HSD17B4: variants seen among roughly 807,000 people sequenced by gnomAD.
HSD17B4 encodes hydroxysteroid 17-beta dehydrogenase 4.
Under a neutral mutation model 101.0 loss-of-function variants are expected in HSD17B4, and 70 were observed. That is an observed-to-expected ratio of 0.69 (90% CI 0.57 to 0.85). The LOEUF is 0.85. Among genes scored for constraint, HSD17B4 ranks in the 40% least tolerant of loss-of-function variants. The pLI is 0.00. For synonymous variants in HSD17B4, 347 were observed against 297.1 expected (o/e 1.17, Z -1.73); for missense variants, 984 against 892.4 (o/e 1.10, Z -1.31).
chr5:119,488,519 G>A (rs947631353), intron 8 of HSD17B4, among the ~76,000 whole-genome samples: 2 of 152,102 alleles, frequency 1.3e-5, no homozygotes, highest in Admixed American at 6.6e-5. Flanking sequence ...CAAGATAAAT[G>A]TTTGAGTTGA....
intron 8 of HSD17B4, among the ~76,000 whole-genome samples, chr5:119,484,954 T>TA (rs1408608743): frequency 6.6e-6 from 1 of 152,174 alleles, no homozygotes; most frequent in Non-Finnish European, 1.5e-5. Context: ...ATGTGAAAGA[T>TA]ATATAATTTA....
At chr5:119,483,920 A>G (rs899119348) in intron 8 of HSD17B4, among the ~76,000 whole-genome samples, 18 of 152,184 alleles carry the variant, frequency 1.2e-4, no homozygotes, top group Admixed American at 3.9e-4. Flanking sequence ...AAAATTTTCT[A>G]GTTGTCTAGA....
At chr5:119,465,410 T>G (rs1192346591) in intron 2 of HSD17B4, among the ~76,000 whole-genome samples, 1 of 152,204 alleles carries the variant, frequency 6.6e-6, no homozygotes, top group Admixed American at 6.5e-5. Context: ...TAAAACAGTC[T>G]GGGACCTCCT....
intron 2 of HSD17B4, among the ~76,000 whole-genome samples, chr5:119,458,540 G>A (rs1240880460): frequency 2.0e-5 from 3 of 149,232 alleles, no homozygotes; most frequent in African/African-American, 4.9e-5. Context: ...GTAAAGATGC[G>A]GTTTCACCAT....
rs535046204 is a variant in HSD17B4 at position 119,527,773 on chromosome 5, T to C, written c.1767+554T>C. 9.2e-5 allele frequency among the ~76,000 whole-genome samples: 14 copies of C among 152,240 alleles called. No individual in the cohort carries two copies. In the South Asian group the frequency reaches 1.4e-3, roughly 16 times the overall value. Reference sequence around the variant, plus strand: ...TATCCTATAGAACAATAAAATCTTATCCTTTATGAGTTTTCTCTGGACAGA... The same window carrying C: ...TATCCTATAGAACAATAAAATCTTACCCTTTATGAGTTTTCTCTGGACAGA... On this transcript the variant is annotated intron_variant, in intron 20 of 23. Coordinates refer to ENST00000510025, the MANE Select transcript of HSD17B4 (RefSeq NM_000414.4).
chr5:119,507,392 G>C (rs1751752554), intron 15 of HSD17B4, among the ~76,000 whole-genome samples: 1 of 152,172 alleles, frequency 6.6e-6, no homozygotes, highest in Admixed American at 6.5e-5. Flanking sequence ...AAACACCACA[G>C]CCACATTTTA....
chr5:119,512,787 G>C (rs1053422542), intron 16 of HSD17B4, among the ~76,000 whole-genome samples: 1 of 152,176 alleles, frequency 6.6e-6, no homozygotes, highest in African/African-American at 2.4e-5. Flanking sequence ...AATCTGTAGA[G>C]TCAGAAAGTA....
At chr5:119,526,282 T>TTATATATATGTATG (rs1554068322) in intron 19 of HSD17B4, among the ~76,000 whole-genome samples, 1 of 59,354 alleles carries the variant, frequency 1.7e-5, no homozygotes, top group African/African-American at 7.4e-5. Flanking sequence ...GGTGCATATA[T>TTATATATATGTATG]TATATATATA....
chr5:119,516,446 C>G (rs1490518661), intron 17 of HSD17B4, among the ~76,000 whole-genome samples: 2 of 151,468 alleles, frequency 1.3e-5, no homozygotes, highest in Admixed American at 6.6e-5. Context: ...GGTTTTCTTT[C>G]TTTTGTTTTT....
intron 8 of HSD17B4, among the ~76,000 whole-genome samples, chr5:119,484,381 T>C (rs956389809): frequency 6.6e-6 from 1 of 152,216 alleles, no homozygotes; most frequent in African/African-American, 2.4e-5. Flanking sequence ...GTGCCTGTCC[T>C]TTCAGCAATA....
chr5:119,479,115 AATT>A (rs1401809533), intron 8 of HSD17B4, 94 bp downstream of exon 8: 5 of 945,906 alleles, frequency 5.3e-6, no homozygotes, highest in Non-Finnish European at 6.6e-6. Flanking sequence ...AATACTTAAA[AATT>A]ATTATTTTTT....
chr5:119,510,484 C>T (rs1431932739), intron 16 of HSD17B4, among the ~76,000 whole-genome samples: 2 of 152,062 alleles, frequency 1.3e-5, no homozygotes, highest in African/African-American at 4.8e-5. Context: ...AGTCAATATT[C>T]TTCTGTAGTA....
At chr5:119,471,723 T>G in intron 2 of HSD17B4, 1 of 1,277,842 alleles carries the variant, frequency 7.8e-7, no homozygotes, top group Non-Finnish European at 1.1e-6. Context: ...AGTTCTGTTT[T>G]TCCAAGTTAT....
At chr5:119,484,840 C>T in intron 8 of HSD17B4, among the ~76,000 whole-genome samples, 1 of 152,118 alleles carries the variant, frequency 6.6e-6, no homozygotes, top group South Asian at 2.1e-4. Flanking sequence ...AATTTTTTCC[C>T]CTGTTTCCTT....
intron 2 of HSD17B4, chr5:119,472,594 C>A (rs149205152): frequency 2.6e-5 from 4 of 152,160 alleles, no homozygotes; most frequent in Non-Finnish European, 5.9e-5. Context: ...TCATCACGCC[C>A]AGCTAATTTT....
In HSD17B4 at chr5:119,456,745, T is replaced by C. The variant is rs954981620; in HGVS notation, c.112+377T>C. 2.8e-5 allele frequency: 7 copies of C among 252,374 alleles called. No homozygotes were observed. In the East Asian group the frequency reaches 6.0e-4, roughly 22 times the overall value. The allele number at this position is 252,374 out of a possible 1,614,324, so 15.6% of individuals were successfully genotyped here. Reference sequence around the variant, plus strand: ...CTGGGTGATGGCGCAAAAAAAACCCTGTTTCTCACAGAAAAGGGTGGGGAC... The same window carrying C: ...CTGGGTGATGGCGCAAAAAAAACCCCGTTTCTCACAGAAAAGGGTGGGGAC... On this transcript the variant is annotated intron_variant, in intron 2 of 23. Transcript: ENST00000510025.
chr5:119,494,325 T>TTTTCTTTCTTTC (rs66578057), intron 11 of HSD17B4, among the ~76,000 whole-genome samples: 1,820 of 111,590 alleles, frequency 0.016, 31 homozygotes, highest in East Asian at 0.03. Flanking sequence ...TCTTTCTTTC[T>TTTTCTTTCTTTC]TTTCTTTCTT....
intron 2 of HSD17B4, among the ~76,000 whole-genome samples, chr5:119,464,329 T>C (rs1357912791): frequency 6.6e-6 from 1 of 152,158 alleles, no homozygotes; most frequent in Non-Finnish European, 1.5e-5. Flanking sequence ...AGGTCTTATG[T>C]TTAGGTTTTT....
chr5:119,531,510 A>C, intron 22 of HSD17B4, 106 bp downstream of exon 22: 1 of 1,175,954 alleles, frequency 8.5e-7, no homozygotes, highest in East Asian at 2.6e-5. Context: ...TTACCTTTTT[A>C]GGTAAGTTTT....
Sources: gnomAD v4.1 joint callset for allele counts (sites outside exome capture counted in the v4.1 genomes callset) on GRCh38, gnomAD v4.1.1 for gene constraint, MANE v1.5 for transcripts, NCBI Gene and HGNC (gene_info 2026-07-23, HGNC 2026-07-21) for gene names.